The following TLE1 variants were observed in gnomAD, a reference collection of about 807,000 sequenced individuals.
The protein encoded by TLE1 is TLE family member 1, transcriptional corepressor.
TLE1 carries 21 observed loss-of-function variants against 89.8 expected under a neutral mutation model. That is an observed-to-expected ratio of 0.23 (90% confidence interval 0.17 to 0.34). The LOEUF (loss-of-function observed/expected upper bound fraction) is 0.34. TLE1 is among the 10% of genes least tolerant of loss of function. The probability of loss-of-function intolerance (pLI) is 1.00; values close to 1 mark genes in which losing one functional copy is unlikely to be tolerated. For synonymous variants in TLE1, 447 were observed against 407.6 expected (o/e 1.10, Z -1.16); for missense variants, 795 against 1,031.2 (o/e 0.77, Z 3.14).
intron 6 of TLE1, among the ~76,000 whole-genome samples, chr9:81,645,377 A>T (rs546864824): frequency 6.6e-5 from 10 of 151,716 alleles, no homozygotes; most frequent in South Asian, 4.2e-4. Context: ...AAAAAAAAAA[A>T]AATAATAGTA....
At position 81,633,357 on chromosome 9, in the gene TLE1, C is replaced by T. The variant is rs1826949745; in HGVS notation, c.585G>A (p.Glu195=). Reference sequence around the variant, plus strand: ...GCGTTTGAGTACTTACTGTGCCCGGCTCTCTGTCTGCTCCCGAGGTTACCA... The same window carrying T: ...GCGTTTGAGTACTTACTGTGCCCGGTTCTCTGTCTGCTCCCGAGGTTACCA... ...HHDAEHHRDR[E]PGTSNSLLVP... is the part of the protein sequence containing the mutation. The change falls in exon 8 of 20, where the codon GAG becomes GAA. Residue 195 remains glutamate, a synonymous_variant. Transcript: ENST00000376499. 1 of 1,613,108 alleles carries T rather than the reference C, an allele frequency of 6.2e-7. No homozygotes were observed.
chr9:81,633,161 C>A (rs1563999745), intron 8 of TLE1, among the ~76,000 whole-genome samples, 187 bp downstream of exon 8: 1 of 151,758 alleles, frequency 6.6e-6, no homozygotes, highest in Non-Finnish European at 1.5e-5. Flanking sequence ...GCAGAGCGAA[C>A]AGTCATATAA....
At chr9:81,634,439 A>C in intron 6 of TLE1, 138 bp from the exon 7 acceptor site, 1 of 648,170 alleles carries the variant, frequency 1.5e-6, no homozygotes, top group Non-Finnish European at 2.4e-6. Context: ...AGGTTCAACA[A>C]ACACACAAAA....
chr9:81,585,750 G>A (rs577945981), intron 17 of TLE1, 95 bp from the exon 18 acceptor site: 17 of 1,477,330 alleles, frequency 1.2e-5, no homozygotes, highest in Non-Finnish European at 1.4e-5. Context: ...CAAGAATGGG[G>A]GGAAGTAATC....
chr9:81,586,545 G>A (rs1189688344), intron 17 of TLE1, among the ~76,000 whole-genome samples: 3 of 152,236 alleles, frequency 2.0e-5, no homozygotes, highest in East Asian at 1.9e-4. Context: ...TCACATATGC[G>A]GTCTGTCCTT....
chr9:81,613,024 T>C (rs2132076128), intron 12 of TLE1, among the ~76,000 whole-genome samples: 1 of 152,110 alleles, frequency 6.6e-6, no homozygotes, highest in South Asian at 2.1e-4. Flanking sequence ...CGCCATTGCA[T>C]TCCAGCCTGG....
intron 6 of TLE1, among the ~76,000 whole-genome samples, chr9:81,643,180 C>T (rs1289821533): frequency 1.3e-5 from 2 of 151,876 alleles, no homozygotes; most frequent in East Asian, 1.9e-4. Context: ...TTAATAATAA[C>T]GGTATTGTAT....
chr9:81,666,804 T>TAAATAAATA (rs1554696559), intron 4 of TLE1, among the ~76,000 whole-genome samples: 23 of 145,720 alleles, frequency 1.6e-4, no homozygotes, highest in South Asian at 4.2e-4. Context: ...AATAAATAAA[T>TAAATAAATA]AAATAAAATA....
chr9:81,598,673 A>T (rs997276116), intron 14 of TLE1, among the ~76,000 whole-genome samples: 1 of 152,212 alleles, frequency 6.6e-6, no homozygotes, highest in African/African-American at 2.4e-5. Flanking sequence ...AACTTTTCCC[A>T]GGCAACGTCT....
At chr9:81,669,786 T>C (rs1831979300) in intron 4 of TLE1, among the ~76,000 whole-genome samples, 1 of 152,196 alleles carries the variant, frequency 6.6e-6, no homozygotes, top group East Asian at 1.9e-4. Context: ...AGTCTAATCA[T>C]CATTTAAGCC....
At chr9:81,586,425 G>T (rs185651196) in intron 17 of TLE1, among the ~76,000 whole-genome samples, 13 of 152,276 alleles carry the variant, frequency 8.5e-5, no homozygotes. Context: ...TTACTGTACT[G>T]AATACTGTAG....
chr9:81,620,615 A>T, intron 8 of TLE1, 58 bp from the exon 9 acceptor site: 1 of 1,571,516 alleles, frequency 6.4e-7, no homozygotes, highest in South Asian at 1.2e-5. Context: ...TACACATGAA[A>T]CCCAACCTCG....
chr9:81,649,328 A>G (rs983742576), intron 6 of TLE1, among the ~76,000 whole-genome samples: 2 of 151,106 alleles, frequency 1.3e-5, no homozygotes, highest in African/African-American at 2.5e-5. Flanking sequence ...CAGAAAAAAT[A>G]CAACCTCTCT....
chr9:81,652,704 T>G (rs1829705327), intron 5 of TLE1, among the ~76,000 whole-genome samples: 1 of 152,200 alleles, frequency 6.6e-6, no homozygotes, highest in Non-Finnish European at 1.5e-5. Context: ...ATCCCAGCAC[T>G]TTGGGAGGCC....
rs188203321 is a variant in TLE1 at position 81,637,618 on chromosome 9, C to T, written c.373-3317G>A. 1.0e-3 allele frequency among the ~76,000 whole-genome samples: 155 copies of T among 151,296 alleles called. 1 individual carries two copies. Among genetic ancestry groups the T allele is most frequent in the Admixed American group, 1.5e-3 (23 of 15,144 alleles). On this transcript the variant is annotated intron_variant, in intron 6 of 19. Transcript: ENST00000376499. ...ATTAGAGGTAACTGGGTTCTTCCAT[C>T]CATTGCTTGGCTACAATGAAAGTTT...
At chr9:81,616,582 AG>A in intron 10 of TLE1, 63 bp downstream of exon 10, 1 of 1,562,260 alleles carries the variant, frequency 6.4e-7, no homozygotes, top group Non-Finnish European at 8.8e-7. Context: ...ATTCACTGTT[AG>A]TTTTTTTTCA....
At chr9:81,663,629 T>G (rs897826153) in intron 4 of TLE1, among the ~76,000 whole-genome samples, 5 of 150,958 alleles carry the variant, frequency 3.3e-5, no homozygotes, top group African/African-American at 1.2e-4. Context: ...AGACTTTTTT[T>G]TTTTTTTTTT....
At chr9:81,659,364 T>C (rs1205018594) in intron 4 of TLE1, among the ~76,000 whole-genome samples, 1 of 152,192 alleles carries the variant, frequency 6.6e-6, no homozygotes, top group African/African-American at 2.4e-5. Context: ...AGAAATAATT[T>C]TCCTACCCAA....
At chr9:81,655,831 C>A (rs968987131) in intron 4 of TLE1, among the ~76,000 whole-genome samples, 2 of 142,664 alleles carry the variant, frequency 1.4e-5, no homozygotes, top group Non-Finnish European at 3.0e-5. Context: ...CCAGCCAAGG[C>A]GACAGAGCAA....
Sources: gnomAD v4.1 joint callset for allele counts (sites outside exome capture counted in the v4.1 genomes callset) on GRCh38, gnomAD v4.1.1 for gene constraint, MANE v1.5 for transcripts, NCBI Gene and HGNC (gene_info 2026-07-23, HGNC 2026-07-21) for gene names.